The following CEBPZOS variants were observed in gnomAD, a reference collection of about 807,000 sequenced individuals.
The protein encoded by CEBPZOS is CEBPZ opposite strand, also known as protein CEBPZOS.
A neutral mutation model predicts 4.8 loss-of-function variants in CEBPZOS; 10 were observed. That is an observed-to-expected ratio of 2.07 (90% CI 1.28 to 3.52). The LOEUF is 3.52. Among genes scored for constraint, CEBPZOS ranks in the 30% most tolerant of loss-of-function variants. CEBPZOS has a pLI of 0.00. For synonymous variants in CEBPZOS, 25 were observed against 14.2 expected, an observed-to-expected ratio of 1.77 and a Z score of -1.72; for missense variants, 98 against 43.6, an observed-to-expected ratio of 2.25 and a Z score of -3.51.
downstream of CEBPZOS, among the ~76,000 whole-genome samples, chr2:37,208,295 A>T (rs1677606041): frequency 6.6e-6 from 1 of 152,084 alleles, no homozygotes; most frequent in Non-Finnish European, 1.5e-5. Context: ...TAAATCATTC[A>T]ATGAAGCCAA....
Position 37,202,768 on chromosome 2 carries a change from A to C in CEBPZOS, c.*908A>C, listed in dbSNP as rs777950264. 2 of 1,491,664 alleles carry C rather than the reference A, an allele frequency of 1.3e-6. No homozygotes were observed. Among genetic ancestry groups the C allele is most frequent in the Admixed American group, 4.2e-5 (2 of 47,106 alleles). The allele number at this position is 1,491,664 out of a possible 1,614,324, so 92.4% of individuals were successfully genotyped here. A position where few individuals can be genotyped will look rare whatever the true frequency, so the allele number is the denominator to read the frequency against. On this transcript the variant is annotated 3_prime_UTR_variant, in exon 5 of 5. Coordinates refer to ENST00000402297, the MANE Select transcript of CEBPZOS (RefSeq NM_001322374.2). ...GCTATTTTTAAAACATCAATAAAAAAATTTAAGTTACTTACTTGCATTATC... is the reference window on the plus strand; with the variant it reads ...GCTATTTTTAAAACATCAATAAAAACATTTAAGTTACTTACTTGCATTATC...
chr2:37,215,246 A>G (rs1677840891), downstream of CEBPZOS: 1 of 237,066 alleles, frequency 4.2e-6, no homozygotes. Flanking sequence ...TGCATCCAGG[A>G]CCCAACTTTC....
downstream of CEBPZOS, chr2:37,209,170 C>T (rs1467904654): frequency 1.3e-5 from 2 of 152,098 alleles, no homozygotes; most frequent in Non-Finnish European, 2.9e-5. Flanking sequence ...GAAACGCATC[C>T]CATGTTCATG....
intron 3 of CEBPZOS, 60 bp downstream of exon 3, chr2:37,201,152 T>G: frequency 4.4e-6 from 3 of 685,438 alleles, no homozygotes; most frequent in Non-Finnish European, 5.3e-6. Flanking sequence ...ACCTATAAAT[T>G]ATGTAGTAAT....
intron 4 of CEBPZOS, chr2:37,212,465 A>T: frequency 1.6e-6 from 2 of 1,268,786 alleles, no homozygotes; most frequent in South Asian, 1.2e-5. Context: ...ATCTGAATCA[A>T]TTATTCTAAG....
In CEBPZOS at chr2:37,201,935, A is replaced by G. The variant is rs773958368; in HGVS notation, c.*75A>G. 1 of 1,598,950 alleles carries G rather than the reference A, an allele frequency of 6.3e-7. No individual in the cohort carries two copies. The highest frequency in any genetic ancestry group is 1.1e-5 in the South Asian group (1 of 88,884). ...GAGAAGAAGAAAAGATGAGTGTACT[A>G]CCACACTGTAGACTCTTGGTGGTCC... On this transcript the variant is annotated 3_prime_UTR_variant, in exon 5 of 5. Transcript: ENST00000402297.
At chr2:37,207,869 G>A (rs1214240844), downstream of CEBPZOS, among the ~76,000 whole-genome samples, 1 of 151,980 alleles carries the variant, frequency 6.6e-6, no homozygotes, top group African/African-American at 2.4e-5. Flanking sequence ...AGCTGGTTCT[G>A]TGGAAAAATA....
chr2:37,199,632 G>A (rs1435472756), intron 1 of CEBPZOS, 72 bp from the exon 2 acceptor site: 16 of 676,392 alleles, frequency 2.4e-5, no homozygotes, highest in Non-Finnish European at 3.9e-5. Context: ...ATGAATTTGA[G>A]TTATTAGAGA....
intron 2 of CEBPZOS, among the ~76,000 whole-genome samples, chr2:37,200,828 G>A (rs1204772616): frequency 6.6e-6 from 1 of 152,162 alleles, no homozygotes; most frequent in East Asian, 1.9e-4. Flanking sequence ...GGTGGATTGT[G>A]ACTGTGCCAC....
At chr2:37,215,195 C>T (rs1326461171), downstream of CEBPZOS, 4 of 324,122 alleles carry the variant, frequency 1.2e-5, no homozygotes, top group Non-Finnish European at 2.3e-5. Context: ...CTGTCAGTGC[C>T]GTTACAGTGA....
At chr2:37,208,425 A>G (rs1459111739), downstream of CEBPZOS, among the ~76,000 whole-genome samples, 1 of 152,228 alleles carries the variant, frequency 6.6e-6, no homozygotes, top group South Asian at 2.1e-4. Context: ...CTCCAACAGC[A>G]TATCAAAAAG....
downstream of CEBPZOS, among the ~76,000 whole-genome samples, chr2:37,208,635 C>T (rs1005774574): frequency 1.3e-5 from 2 of 152,092 alleles, no homozygotes; most frequent in African/African-American, 2.4e-5. Flanking sequence ...ATACAAGGGA[C>T]GTACCTTAAA....
intron 1 of CEBPZOS, among the ~76,000 whole-genome samples, chr2:37,198,868 C>T (rs368602885): frequency 6.6e-6 from 1 of 152,038 alleles, no homozygotes; most frequent in African/African-American, 2.4e-5. Flanking sequence ...TGCGTGTCTG[C>T]GAAAGGGCAG....
chr2:37,210,981 T>C (rs755724384), intron 4 of CEBPZOS: 14 of 1,571,704 alleles, frequency 8.9e-6, no homozygotes, highest in African/African-American at 1.4e-5. Flanking sequence ...TTAAAAGATA[T>C]TAAATGTATT....
At chr2:37,216,171 T>G (rs747322619), downstream of CEBPZOS, 9 of 1,613,192 alleles carry the variant, frequency 5.6e-6, no homozygotes, top group South Asian at 9.9e-5. Flanking sequence ...TAATAAAATG[T>G]TTTCTTTTCG....
downstream of CEBPZOS, chr2:37,209,641 A>G (rs910765705): frequency 1.3e-5 from 2 of 152,202 alleles, no homozygotes; most frequent in Non-Finnish European, 2.9e-5. Flanking sequence ...AGAAAACTCA[A>G]GATGGATCGA....
rs1677306524 is a variant in CEBPZOS, at chr2:37,202,568, A to G, written c.*708A>G. On this transcript the variant is annotated 3_prime_UTR_variant, in exon 5 of 5. Transcript: ENST00000402297. Reference sequence around the variant, plus strand: ...GCTAAGGTAGGAGAATTACTTGAACATGGGAGATGGAGGTTGCAGTGAGCC... The same window carrying G: ...GCTAAGGTAGGAGAATTACTTGAACGTGGGAGATGGAGGTTGCAGTGAGCC... 3 of 372,902 alleles carry G rather than the reference A, an allele frequency of 8.0e-6. No homozygotes were observed. Among genetic ancestry groups the G allele is most frequent in the South Asian group, 4.0e-5 (1 of 24,856 alleles). The allele number at this position is 372,902 out of a possible 1,614,324, so 23.1% of individuals were successfully genotyped here.
downstream of CEBPZOS, among the ~76,000 whole-genome samples, chr2:37,215,723 GCT>G (rs1483092640): frequency 6.6e-6 from 1 of 152,104 alleles, no homozygotes; most frequent in East Asian, 1.9e-4. Context: ...TTAAAATGAT[GCT>G]CTGTGACAAA....
chr2:37,211,934 T>C, intron 4 of CEBPZOS: 1 of 1,613,774 alleles, frequency 6.2e-7, no homozygotes, highest in Non-Finnish European at 8.5e-7. Flanking sequence ...CCATACTTCC[T>C]AAAGAAACTT....
Sources: allele counts gnomAD v4.1 joint callset (sites outside exome capture counted in the v4.1 genomes callset), GRCh38; gene constraint gnomAD v4.1.1; transcripts MANE v1.5; gene names NCBI Gene and HGNC (gene_info 2026-07-23, HGNC 2026-07-21).